Variants in NRG3 observed in about 807,000 individuals in gnomAD.
The protein encoded by NRG3 is neuregulin 3, also known as pro-neuregulin-3, membrane-bound isoform.
A neutral mutation model predicts 66.9 loss-of-function variants in NRG3; 31 were observed. The observed-to-expected ratio is 0.46, with a 90% confidence interval of 0.35 to 0.63. The LOEUF is 0.63. NRG3 is among the 20% of genes least tolerant of loss of function. NRG3 has a pLI of 0.00. For missense variants in NRG3, 910 were observed against 878.9 expected (o/e 1.04, Z -0.45); for synonymous variants, 393 against 359.4 (o/e 1.09, Z -1.06).
intron 4 of NRG3, among the ~76,000 whole-genome samples, chr10:82,871,036 G>T (rs1388804552): frequency 1.6e-4 from 25 of 152,132 alleles, no homozygotes; most frequent in Admixed American, 1.6e-3. Context: ...GATCTGCTAG[G>T]AGTGTTATAG....
At chr10:82,698,473 C>T (rs2494027) in intron 2 of NRG3, among the ~76,000 whole-genome samples, 134,411 of 152,168 alleles carry the variant, frequency 0.88, 59,638 homozygotes, top group East Asian at 1. Flanking sequence ...AAATAACTTA[C>T]AATTGCAAAA....
chr10:82,165,891 C>T (rs2072011306), intron 1 of NRG3, among the ~76,000 whole-genome samples: 1 of 151,868 alleles, frequency 6.6e-6, no homozygotes, highest in Admixed American at 6.6e-5. Context: ...TACATCTAGT[C>T]AACATTTTAA....
intron 4 of NRG3, among the ~76,000 whole-genome samples, chr10:82,901,438 G>T (rs866138316): frequency 8.6e-5 from 13 of 151,734 alleles, no homozygotes; most frequent in African/African-American, 2.7e-4. Context: ...AGGGACAAAA[G>T]GATGGAAGCC....
At chr10:82,842,482 C>T (rs186412255) in intron 3 of NRG3, among the ~76,000 whole-genome samples, 4 of 152,240 alleles carry the variant, frequency 2.6e-5, no homozygotes, top group East Asian at 1.9e-4. Context: ...GCTCTGCTTA[C>T]CTGCAAGGGC....
intron 2 of NRG3, among the ~76,000 whole-genome samples, chr10:82,562,197 C>A (rs2133025181): frequency 6.6e-6 from 1 of 152,246 alleles, no homozygotes; most frequent in African/African-American, 2.4e-5. Context: ...AAATGATATT[C>A]AATCAACAAT....
chr10:81,898,646 A>G (rs533556459), intron 1 of NRG3, among the ~76,000 whole-genome samples: 1 of 152,270 alleles, frequency 6.6e-6, no homozygotes, highest in East Asian at 1.9e-4. Flanking sequence ...TTTGACCATT[A>G]ATTCCACTTT....
chr10:82,354,670 A>G (rs6584667), intron 1 of NRG3, among the ~76,000 whole-genome samples: 52,358 of 151,922 alleles, frequency 0.34, 12,359 homozygotes, highest in African/African-American at 0.65. Flanking sequence ...ATGATTATGG[A>G]TGTGAGCCAC....
At chr10:82,043,866 T>A (rs2133043144) in intron 1 of NRG3, among the ~76,000 whole-genome samples, 1 of 152,202 alleles carries the variant, frequency 6.6e-6, no homozygotes, top group Non-Finnish European at 1.5e-5. Flanking sequence ...CTGCTGCATA[T>A]TTCTGGTGTA....
At position 82,384,382 on chromosome 10, in the gene NRG3, C is replaced by T. The variant is rs147816612; in HGVS notation, c.953+25514C>T. On this transcript the variant is annotated intron_variant, in intron 2 of 8. Transcript: ENST00000372141. ...TGGTGGTTTGCTGCACAGATCATCC[C>T]GTCACCCAGAATCCATTAGCTATTC... Among the ~76,000 whole-genome samples, 10 of 152,102 alleles carry T rather than the reference C, an allele frequency of 6.6e-5. No individual in the cohort carries two copies. The East Asian group carries it at 1.5e-3, about 23-fold the overall frequency.
intron 1 of NRG3, among the ~76,000 whole-genome samples, chr10:82,094,665 T>C (rs2066227327): frequency 6.6e-6 from 1 of 152,224 alleles, no homozygotes; most frequent in South Asian, 2.1e-4. Context: ...GCGAGATATA[T>C]ATATCACATT....
chr10:82,685,472 G>C (rs1166000099), intron 2 of NRG3, among the ~76,000 whole-genome samples: 1 of 152,202 alleles, frequency 6.6e-6, no homozygotes, highest in Non-Finnish European at 1.5e-5. Context: ...AAGACTGGAA[G>C]TTGCCCTGGT....
intron 1 of NRG3, among the ~76,000 whole-genome samples, chr10:81,906,630 C>G (rs1328890907): frequency 2.6e-5 from 4 of 152,000 alleles, no homozygotes. Context: ...CACGTGAGGT[C>G]TGAGAAGTAG....
At chr10:82,139,794 T>A (rs1480220613) in intron 1 of NRG3, among the ~76,000 whole-genome samples, 1 of 152,316 alleles carries the variant, frequency 6.6e-6, no homozygotes, top group East Asian at 1.9e-4. Context: ...AAATGACTTA[T>A]AAGCTTGATT....
chr10:82,453,661 T>G (rs1471362716), intron 2 of NRG3, among the ~76,000 whole-genome samples: 1 of 151,034 alleles, frequency 6.6e-6, no homozygotes, highest in African/African-American at 2.4e-5. Context: ...ATGCACAGGT[T>G]AAAAGCCTGA....
intron 1 of NRG3, among the ~76,000 whole-genome samples, chr10:82,206,282 C>T (rs560024091): frequency 6.6e-6 from 1 of 152,234 alleles, no homozygotes; most frequent in Admixed American, 6.5e-5. Flanking sequence ...TAGATAATAC[C>T]TTTGGTCTCT....
At chr10:82,546,404 A>G (rs1372184049) in intron 2 of NRG3, among the ~76,000 whole-genome samples, 1 of 152,192 alleles carries the variant, frequency 6.6e-6, no homozygotes, top group Non-Finnish European at 1.5e-5. Context: ...GTTTAACTTA[A>G]AAACAACATG....
chr10:82,606,683 C>T (rs2047986261), intron 2 of NRG3, among the ~76,000 whole-genome samples: 1 of 152,126 alleles, frequency 6.6e-6, no homozygotes, highest in East Asian at 1.9e-4. Context: ...ACCCACTTCC[C>T]TGCAGCTGCT....
chr10:82,054,398 T>C (rs2133166792), intron 1 of NRG3, among the ~76,000 whole-genome samples: 1 of 152,258 alleles, frequency 6.6e-6, no homozygotes, highest in East Asian at 1.9e-4. Flanking sequence ...GAGTCAAGGA[T>C]GACTCGAAGA....
chr10:82,139,400 T>C (rs192378255), intron 1 of NRG3, among the ~76,000 whole-genome samples: 1 of 152,316 alleles, frequency 6.6e-6, no homozygotes, highest in African/African-American at 2.4e-5. Flanking sequence ...TTGTGCTTAA[T>C]GCCATTATAC....
Sources: gnomAD v4.1 joint callset for allele counts (sites outside exome capture counted in the v4.1 genomes callset) on GRCh38, gnomAD v4.1.1 for gene constraint, MANE v1.5 for transcripts, NCBI Gene and HGNC (gene_info 2026-07-23, HGNC 2026-07-21) for gene names.